Variants in MED27 observed in about 807,000 individuals in gnomAD.
MED27 encodes the protein mediator of RNA polymerase II transcription subunit 27.
Under a neutral mutation model 38.2 loss-of-function variants are expected in MED27, and 30 were observed. The observed-to-expected ratio is 0.79, with a 90% CI of 0.59 to 1.07. The LOEUF is 1.07. Among genes scored for constraint, MED27 ranks in the 50% least tolerant of loss-of-function variants. The probability of loss-of-function intolerance (pLI) is 0.00; values close to 1 mark genes in which losing one functional copy is unlikely to be tolerated. For missense variants in MED27, 289 were observed against 397.5 expected (o/e 0.73, Z 2.32); for synonymous variants, 122 against 153.5 (o/e 0.79, Z 1.52).
chr9:131,864,127 A>G (rs1166153385), intron 6 of MED27, among the ~76,000 whole-genome samples: 1 of 152,164 alleles, frequency 6.6e-6, no homozygotes, highest in East Asian at 1.9e-4. Flanking sequence ...GTTATGTTCA[A>G]AGTAATGGTT....
rs1342566881 is a variant in MED27, at chr9:131,908,222, C to T, written c.574-14230G>A. 4.8e-5 allele frequency among the ~76,000 whole-genome samples: 7 copies of T among 145,906 alleles called. No individual in the cohort carries two copies. The South Asian group carries it at 8.9e-4, about 18-fold the overall frequency. On this transcript the variant is annotated intron_variant, in intron 4 of 7. Transcript: ENST00000292035. ...TACTGGGAAGTGAGGAGCCCCTCTG[C>T]CCGGCCAGCCGCCCCGTCCGGGAGG... is the stretch of plus-strand genomic sequence containing the variant.
intron 2 of MED27, among the ~76,000 whole-genome samples, chr9:132,058,280 C>A (rs1041518861): frequency 6.6e-6 from 1 of 152,266 alleles, no homozygotes; most frequent in East Asian, 1.9e-4. Context: ...GAAGATGGTA[C>A]AATTTGGCTG....
intron 4 of MED27, among the ~76,000 whole-genome samples, chr9:131,896,972 C>T (rs531790716): frequency 3.9e-5 from 6 of 152,182 alleles, no homozygotes; most frequent in Admixed American, 1.3e-4. Context: ...CCTCATGGTC[C>T]GCCCGCCTTG....
intron 3 of MED27, among the ~76,000 whole-genome samples, chr9:132,011,333 A>C (rs1460550358): frequency 2.0e-5 from 3 of 152,218 alleles, no homozygotes; most frequent in Non-Finnish European, 4.4e-5. Context: ...TTCAGATAAC[A>C]AAAACATTAT....
At chr9:131,895,051 C>T (rs1362675576) in intron 4 of MED27, among the ~76,000 whole-genome samples, 2 of 152,160 alleles carry the variant, frequency 1.3e-5, no homozygotes, top group Non-Finnish European at 2.9e-5. Flanking sequence ...AAAGCCCTCG[C>T]CAGACGGTGA....
chr9:132,028,650 T>C (rs951763342), intron 2 of MED27, among the ~76,000 whole-genome samples: 6 of 152,160 alleles, frequency 3.9e-5, no homozygotes, highest in Admixed American at 1.3e-4. Context: ...CTTCATGTAG[T>C]AGACAATTGG....
chr9:131,893,401 A>G (rs1294754265), intron 5 of MED27, among the ~76,000 whole-genome samples: 3 of 152,176 alleles, frequency 2.0e-5, no homozygotes, highest in African/African-American at 7.2e-5. Context: ...TGGAAATAAC[A>G]CGTCTTCTTT....
rs888039251 is a variant in MED27, at chr9:132,003,680, G to A, written c.479+10657C>T. ...TCCCTGTGCTCATGAACAGTATCCC[G>A]CTCTCATCATGCAGTTTTAACCAAT... On this transcript the variant is annotated intron_variant, in intron 3 of 7. Transcript: ENST00000292035. This position sits in a 1 kb window ranked among gnomAD's most constrained non-coding sequence, Gnocchi z 4.2. Among the ~76,000 whole-genome samples the A allele has an allele frequency of 1.3e-5, 2 of 152,056 alleles. No individual in the cohort carries two copies. Among genetic ancestry groups the A allele is most frequent in the African/African-American group, 4.8e-5 (2 of 41,384 alleles).
intron 2 of MED27, among the ~76,000 whole-genome samples, chr9:132,016,955 T>C (rs940155487): frequency 2.0e-5 from 3 of 152,178 alleles, no homozygotes; most frequent in Admixed American, 6.5e-5. Context: ...CAGTGTACAG[T>C]GCACCTCTAA....
intron 5 of MED27, among the ~76,000 whole-genome samples, chr9:131,890,362 G>A (rs867790872): frequency 7.9e-5 from 12 of 152,152 alleles, no homozygotes; most frequent in South Asian, 2.1e-4. Flanking sequence ...AAAGGGGGAC[G>A]CAAGGCTTCC....
intron 3 of MED27, among the ~76,000 whole-genome samples, chr9:131,952,500 G>A (rs978168180): frequency 2.6e-5 from 4 of 152,182 alleles, no homozygotes; most frequent in Non-Finnish European, 4.4e-5. Flanking sequence ...CATTGGGTGG[G>A]AAATGACCAG....
intron 2 of MED27, among the ~76,000 whole-genome samples, chr9:132,015,208 T>C (rs904264174): frequency 6.6e-6 from 1 of 152,174 alleles, no homozygotes; most frequent in African/African-American, 2.4e-5. Flanking sequence ...CTTACAACAA[T>C]GTATACAAAT....
intron 2 of MED27, among the ~76,000 whole-genome samples, chr9:132,031,274 C>T (rs1396493545): frequency 1.9e-4 from 29 of 152,246 alleles, no homozygotes; most frequent in Non-Finnish European, 7.3e-5. Flanking sequence ...CCCTCTACCT[C>T]AGCCTTCACC....
At chr9:132,055,868 C>A (rs939328319) in intron 2 of MED27, among the ~76,000 whole-genome samples, 2 of 152,184 alleles carry the variant, frequency 1.3e-5, no homozygotes, top group East Asian at 3.8e-4. Context: ...GTGCCAGATG[C>A]CACTTTAAGT....
intron 3 of MED27, among the ~76,000 whole-genome samples, chr9:131,944,969 T>A (rs1276740485): frequency 1.3e-5 from 2 of 152,046 alleles, no homozygotes; most frequent in South Asian, 2.1e-4. Flanking sequence ...AAGTTAAGCA[T>A]CCCTGCTTTA....
intron 2 of MED27, among the ~76,000 whole-genome samples, chr9:132,038,802 A>G (rs1833140859): frequency 6.6e-6 from 1 of 152,160 alleles, no homozygotes; most frequent in Non-Finnish European, 1.5e-5. Flanking sequence ...AGCAGGAGAC[A>G]GGGAAGAAGG....
chr9:132,072,105 G>A (rs529528116), intron 2 of MED27, among the ~76,000 whole-genome samples: 2 of 152,194 alleles, frequency 1.3e-5, no homozygotes, highest in African/African-American at 2.4e-5. Flanking sequence ...TGAGTAACAC[G>A]CACTCCATGA....
At chr9:132,053,549 C>G (rs1217040780) in intron 2 of MED27, among the ~76,000 whole-genome samples, 2 of 152,186 alleles carry the variant, frequency 1.3e-5, no homozygotes, top group Non-Finnish European at 2.9e-5. Flanking sequence ...CACAATAACC[C>G]TACAGGGTGG....
chr9:132,048,813 T>C (rs963730416), intron 2 of MED27, among the ~76,000 whole-genome samples: 5 of 152,100 alleles, frequency 3.3e-5, no homozygotes, highest in African/African-American at 1.2e-4. Flanking sequence ...CATGGTAGGA[T>C]TTCCGTGGGC....
Sources: allele counts gnomAD v4.1 joint callset (sites outside exome capture counted in the v4.1 genomes callset), GRCh38; gene constraint gnomAD v4.1.1; non-coding constraint Gnocchi (gnomAD v3.1); transcripts MANE v1.5; gene names NCBI Gene and HGNC (gene_info 2026-07-23, HGNC 2026-07-21).